Variants in GSG1L observed in about 807,000 individuals in gnomAD.
GSG1L encodes the protein GSG1 like.
GSG1L carries 24 observed loss-of-function variants against 42.1 expected under a neutral mutation model. The ratio of observed to expected loss-of-function variants is 0.57; its 90% CI spans 0.41 to 0.80. The LOEUF is 0.80. Ranked by LOEUF, GSG1L falls within the 30% of genes least tolerant of loss-of-function variation. The pLI is 0.00. For missense variants in GSG1L, 445 were observed against 472.2 expected, an observed-to-expected ratio of 0.94 and a Z score of 0.53; for synonymous variants, 215 against 203.5, an observed-to-expected ratio of 1.06 and a Z score of -0.48.
At chr16:28,050,338 G>A (rs543710597) in intron 1 of GSG1L, among the ~76,000 whole-genome samples, 250 of 152,236 alleles carry the variant, frequency 1.6e-3, no homozygotes, top group Non-Finnish European at 2.8e-3. Context: ...ACACCACCAC[G>A]TCTGGCTAAT....
intron 1 of GSG1L, among the ~76,000 whole-genome samples, chr16:27,973,140 C>G (rs756729757): frequency 2.6e-5 from 4 of 152,084 alleles, no homozygotes; most frequent in Non-Finnish European, 5.9e-5. Context: ...AGCTTAGATG[C>G]AATGCCTGGA....
intron 2 of GSG1L, among the ~76,000 whole-genome samples, chr16:27,929,771 G>A (rs952517841): frequency 4.6e-5 from 7 of 152,148 alleles, no homozygotes; most frequent in Non-Finnish European, 7.4e-5. Context: ...TTGATGAGGT[G>A]AAGCTGTGGG....
At chr16:27,908,463 C>T (rs1011486478) in intron 2 of GSG1L, among the ~76,000 whole-genome samples, 3 of 152,158 alleles carry the variant, frequency 2.0e-5, no homozygotes, top group Non-Finnish European at 4.4e-5. Flanking sequence ...TCCATCTGCC[C>T]GTCCTGTCTA....
At chr16:27,933,134 T>C (rs1043173189) in intron 2 of GSG1L, among the ~76,000 whole-genome samples, 4 of 151,960 alleles carry the variant, frequency 2.6e-5, no homozygotes, top group Admixed American at 6.6e-5. Context: ...TCAGACAGAA[T>C]TGGATGGTTG....
chr16:28,058,070 A>T (rs1370901701), intron 1 of GSG1L, among the ~76,000 whole-genome samples: 1 of 152,224 alleles, frequency 6.6e-6, no homozygotes, highest in South Asian at 2.1e-4. Context: ...GTGACTCCAG[A>T]TGCAGTGCTC....
At chr16:27,879,586 G>C (rs921994956) in intron 3 of GSG1L, among the ~76,000 whole-genome samples, 5 of 152,296 alleles carry the variant, frequency 3.3e-5, no homozygotes, top group Non-Finnish European at 7.3e-5. Context: ...CTGCACTCTA[G>C]CCTGGGCAAC....
intron 1 of GSG1L, among the ~76,000 whole-genome samples, chr16:28,057,304 G>A (rs1452539375): frequency 6.6e-6 from 1 of 152,252 alleles, no homozygotes; most frequent in Non-Finnish European, 1.5e-5. Context: ...AAGGTGGGAC[G>A]CACTGGGTTC....
At chr16:27,902,574 C>G (rs2084273404) in intron 2 of GSG1L, among the ~76,000 whole-genome samples, 1 of 151,980 alleles carries the variant, frequency 6.6e-6, no homozygotes, top group African/African-American at 2.4e-5. Flanking sequence ...AGAGGGGGGG[C>G]CGCTGGTGCA....
intron 2 of GSG1L, among the ~76,000 whole-genome samples, chr16:27,946,575 AAGAAAGAGAGAGAGAGAGAG>A (rs1179031967): frequency 0.01 from 260 of 25,184 alleles, no homozygotes; most frequent in East Asian, 0.015. Flanking sequence ...GAAAGAAAGA[AAGAAAGAGAGAGAGAGAGAG>A]AGAGAGAGAG....
At chr16:28,002,945 A>G (rs1240691220) in intron 1 of GSG1L, among the ~76,000 whole-genome samples, 2 of 152,096 alleles carry the variant, frequency 1.3e-5, no homozygotes, top group African/African-American at 4.8e-5. Context: ...CAGAAAAAAA[A>G]GAAAGAAAGA....
At chr16:27,993,242 G>A (rs565583000) in intron 1 of GSG1L, among the ~76,000 whole-genome samples, 31 of 152,086 alleles carry the variant, frequency 2.0e-4, no homozygotes, top group South Asian at 6.2e-4. Context: ...TCCACCTCCC[G>A]GGCTCAAGCA....
At chr16:28,018,256 T>C (rs1470612117) in intron 1 of GSG1L, among the ~76,000 whole-genome samples, 1 of 152,180 alleles carries the variant, frequency 6.6e-6, no homozygotes, top group East Asian at 1.9e-4. Context: ...TTCAGTTCTG[T>C]CTCATAACAA....
intron 6 of GSG1L, among the ~76,000 whole-genome samples, chr16:27,797,523 CAA>C (rs766041354): frequency 1.4e-5 from 1 of 72,390 alleles, no homozygotes; most frequent in Non-Finnish European, 2.6e-5. Context: ...AACTCCATCT[CAA>C]AAAAAAAAAA....
At chr16:27,853,335 G>C (rs905147044) in intron 3 of GSG1L, among the ~76,000 whole-genome samples, 3 of 152,142 alleles carry the variant, frequency 2.0e-5, no homozygotes, top group Non-Finnish European at 4.4e-5. Flanking sequence ...TATTTTTAAA[G>C]AACAAGCTAT....
At chr16:27,861,054 C>T (rs1306655201) in intron 3 of GSG1L, among the ~76,000 whole-genome samples, 1 of 152,096 alleles carries the variant, frequency 6.6e-6, no homozygotes, top group Non-Finnish European at 1.5e-5. Flanking sequence ...CTAATAAATG[C>T]CCCATTGTAG....
chr16:27,845,086 G>A (rs369146919), intron 3 of GSG1L, 25 bp from the exon 4 acceptor site: 1 of 1,520,208 alleles, frequency 6.6e-7, no homozygotes, highest in Non-Finnish European at 9.1e-7. Flanking sequence ...GCAGAGCAAA[G>A]CGTCAGGAAG....
chr16:27,982,012 C>A (rs2085331600), intron 1 of GSG1L, among the ~76,000 whole-genome samples: 1 of 152,134 alleles, frequency 6.6e-6, no homozygotes, highest in Non-Finnish European at 1.5e-5. Flanking sequence ...TCAGGTATGG[C>A]AGAAACAGCT....
chr16:27,883,320 GCATGGGGATGGGGTA>G (rs941042287), intron 3 of GSG1L, among the ~76,000 whole-genome samples: 1 of 151,392 alleles, frequency 6.6e-6, no homozygotes, highest in Non-Finnish European at 1.5e-5. Flanking sequence ...GGGATGGGGT[GCATGGGGATGGGGTA>G]CATGGGGATG....
chr16:27,873,547 AC>A (rs1227152286), intron 3 of GSG1L, among the ~76,000 whole-genome samples: 1 of 152,192 alleles, frequency 6.6e-6, no homozygotes, highest in Non-Finnish European at 1.5e-5. Flanking sequence ...CAAAGATCAA[AC>A]CCCGCCCCCT....
Sources: gnomAD v4.1 joint callset for allele counts (sites outside exome capture counted in the v4.1 genomes callset) on GRCh38, gnomAD v4.1.1 for gene constraint, MANE v1.5 for transcripts, NCBI Gene and HGNC (gene_info 2026-07-23, HGNC 2026-07-21) for gene names.